The following NR3C2 variants were observed in gnomAD, a reference collection of about 807,000 sequenced individuals.
NR3C2 encodes nuclear receptor subfamily 3 group C member 2.
In NR3C2, 15 loss-of-function variants were observed where a neutral mutation model predicts 86.4. That is an observed-to-expected ratio of 0.17 (90% CI 0.12 to 0.27). The LOEUF is 0.27. NR3C2 is among the 10% of genes least tolerant of loss of function. NR3C2 has a pLI of 1.00. For synonymous variants in NR3C2, 458 were observed against 450.5 expected, an observed-to-expected ratio of 1.02 and a Z score of -0.21; for missense variants, 960 against 1,195.6, an observed-to-expected ratio of 0.80 and a Z score of 2.91.
At chr4:148,183,580 G>T (rs1035401392) in intron 4 of NR3C2, among the ~76,000 whole-genome samples, 3 of 152,184 alleles carry the variant, frequency 2.0e-5, no homozygotes, top group Non-Finnish European at 2.9e-5. Context: ...CAGTGATGAT[G>T]ATTTTTAACC....
chr4:148,207,909 A>C (rs1737087307), intron 3 of NR3C2: 1 of 152,252 alleles, frequency 6.6e-6, no homozygotes, highest in Non-Finnish European at 1.5e-5. Context: ...GTAATTAAAT[A>C]ATAGACTGTA....
intron 2 of NR3C2, among the ~76,000 whole-genome samples, chr4:148,311,398 G>A (rs1742892563): frequency 6.6e-6 from 1 of 152,092 alleles, no homozygotes; most frequent in Non-Finnish European, 1.5e-5. Context: ...AATGACAACT[G>A]CATTCTTGCA....
chr4:148,441,954 C>T (rs60660883), intron 1 of NR3C2, among the ~76,000 whole-genome samples: 8,700 of 152,316 alleles, frequency 0.057, 816 homozygotes, highest in African/African-American at 0.19. Context: ...GGCATTTATC[C>T]AAAGTGGCCA....
chr4:148,091,045 C>T (rs1363889898), intron 8 of NR3C2, among the ~76,000 whole-genome samples: 5 of 152,352 alleles, frequency 3.3e-5, no homozygotes, highest in East Asian at 1.9e-4. Context: ...GTTGTTGGGG[C>T]GGCTAGGATG....
At chr4:148,158,973 G>A (rs1734531634) in intron 4 of NR3C2, among the ~76,000 whole-genome samples, 1 of 152,168 alleles carries the variant, frequency 6.6e-6, no homozygotes, top group Admixed American at 6.5e-5. Context: ...TATCTCCAGT[G>A]TATCTTCAGC....
chr4:148,093,729 T>C (rs1036632365), intron 8 of NR3C2, among the ~76,000 whole-genome samples: 2 of 152,154 alleles, frequency 1.3e-5, no homozygotes, highest in South Asian at 2.1e-4. Flanking sequence ...CTTGTGAATA[T>C]GGGAAAATGA....
At chr4:148,391,096 T>G (rs867347631) in intron 2 of NR3C2, among the ~76,000 whole-genome samples, 2 of 152,350 alleles carry the variant, frequency 1.3e-5, no homozygotes, top group South Asian at 4.1e-4. Context: ...ATAGAGGAAC[T>G]GATAGCATAA....
At position 148,376,145 on chromosome 4, in the gene NR3C2, CA is replaced by C. The variant is rs70962716; in HGVS notation, c.1757+58958del. Among the ~76,000 whole-genome samples the C allele has an allele frequency of 5.0e-3, 533 of 105,780 alleles. 3 individuals carry two copies. Among genetic ancestry groups the C allele is most frequent in the South Asian group, 0.042 (124 of 2,926 alleles). 69.4% of individuals were successfully genotyped at this position (105,780 alleles called of 152,430 possible). A position where few individuals can be genotyped will look rare whatever the true frequency, so the allele number is the denominator to read the frequency against. ...AATCTATTCAAGGTCAGGAGTAAGG[CA>C]AAAAAAAAAAAAAAAACCCACGACG... On this transcript the variant is annotated intron_variant, in intron 2 of 8. Transcript: ENST00000358102.
intron 6 of NR3C2, among the ~76,000 whole-genome samples, chr4:148,131,695 C>T (rs1205023864): frequency 6.6e-6 from 1 of 152,182 alleles, no homozygotes. Context: ...GTCTGCCTTA[C>T]TGGTCTAATG....
intron 2 of NR3C2, among the ~76,000 whole-genome samples, chr4:148,419,402 C>T (rs376682769): frequency 1.9e-4 from 29 of 152,304 alleles, no homozygotes; most frequent in East Asian, 1.4e-3. Context: ...GTATGTATAG[C>T]GTCCTGGTGA....
At chr4:148,091,259 A>C (rs1010503385) in intron 8 of NR3C2, among the ~76,000 whole-genome samples, 2 of 152,234 alleles carry the variant, frequency 1.3e-5, no homozygotes, top group African/African-American at 4.8e-5. Flanking sequence ...GGAGAACATG[A>C]CCAAGCTGGT....
At chr4:148,229,532 T>C (rs920415141) in intron 3 of NR3C2, among the ~76,000 whole-genome samples, 1 of 152,132 alleles carries the variant, frequency 6.6e-6, no homozygotes, top group African/African-American at 2.4e-5. Flanking sequence ...TGGATCTTAA[T>C]TCTAAATAAA....
chr4:148,224,762 A>ATGG, intron 3 of NR3C2, among the ~76,000 whole-genome samples: 1 of 152,306 alleles, frequency 6.6e-6, no homozygotes, highest in Middle Eastern at 3.4e-3. Flanking sequence ...TTAAATGGTA[A>ATGG]TACTGATAAC....
chr4:148,315,418 A>G (rs770507066), intron 2 of NR3C2, among the ~76,000 whole-genome samples: 7 of 152,200 alleles, frequency 4.6e-5, no homozygotes, highest in Non-Finnish European at 8.8e-5. Context: ...AACCTCTCTG[A>G]GAAACTCTGA....
intron 2 of NR3C2, among the ~76,000 whole-genome samples, chr4:148,313,274 C>T (rs1353470184): frequency 6.6e-6 from 1 of 152,116 alleles, no homozygotes; most frequent in African/African-American, 2.4e-5. Flanking sequence ...CATACTGAGT[C>T]CCGAAAAACT....
At chr4:148,280,429 T>C (rs977037152) in intron 2 of NR3C2, among the ~76,000 whole-genome samples, 22 of 152,238 alleles carry the variant, frequency 1.4e-4, no homozygotes, top group Admixed American at 1.2e-3. Flanking sequence ...AAGAAAACAG[T>C]GTACACAGAA....
At chr4:148,323,480 G>C (rs6814226) in intron 2 of NR3C2, among the ~76,000 whole-genome samples, 36,700 of 130,534 alleles carry the variant, frequency 0.28, 6,600 homozygotes, top group African/African-American at 0.48. Context: ...CCCCCAGCCT[G>C]GCTGCAGCCT....
intron 2 of NR3C2, among the ~76,000 whole-genome samples, chr4:148,363,765 A>G (rs1745973200): frequency 6.6e-6 from 1 of 152,112 alleles, no homozygotes; most frequent in African/African-American, 2.4e-5. Context: ...GGCCTCCCAA[A>G]GTGCTGGGAT....
At chr4:148,168,136 T>C (rs967252980) in intron 4 of NR3C2, among the ~76,000 whole-genome samples, 2 of 152,290 alleles carry the variant, frequency 1.3e-5, no homozygotes, top group South Asian at 4.1e-4. Flanking sequence ...AGGCAGTCTA[T>C]ATACTTAATC....
Sources: gnomAD v4.1 joint callset for allele counts (sites outside exome capture counted in the v4.1 genomes callset) on GRCh38, gnomAD v4.1.1 for gene constraint, MANE v1.5 for transcripts, NCBI Gene and HGNC (gene_info 2026-07-23, HGNC 2026-07-21) for gene names.